ZNF619: variants seen among roughly 807,000 people sequenced by gnomAD.
ZNF619 encodes zinc finger protein 619.
ZNF619 carries 9 observed loss-of-function variants against 14.2 expected under a neutral mutation model. The ratio of observed to expected loss-of-function variants is 0.64; its 90% CI spans 0.38 to 1.11. The LOEUF is 1.11. ZNF619 is among the 50% of genes least tolerant of loss of function. The pLI is 0.01. For missense variants in ZNF619, 659 were observed against 680.1 expected (o/e 0.97, Z 0.34); for synonymous variants, 246 against 252.8 (o/e 0.97, Z 0.26).
rs964803541 is a variant in ZNF619 at position 40,490,657 on chromosome 3, T to C, written c.*2416T>C. 6.6e-6 allele frequency among the ~76,000 whole-genome samples: 1 copy of C among 151,868 alleles called. No individual in the cohort carries two copies. The highest frequency in any genetic ancestry group is 6.5e-5 in the Admixed American group (1 of 15,270). ...CAGACCTTTATGATGATCCATATAA[T>C]ATAGTGAATTATATTTACTAAATAT... On this transcript the variant is annotated 3_prime_UTR_variant, in exon 5 of 5. Transcript: ENST00000432264.
In ZNF619 at chr3:40,489,153, G is replaced by A. The variant is rs1435071367; in HGVS notation, c.*912G>A. 1 of 151,450 alleles carries A rather than the reference G, an allele frequency of 6.6e-6. No individual in the cohort carries two copies. The highest frequency in any genetic ancestry group is 2.4e-5 in the African/African-American group (1 of 41,268). 9.4% of individuals were successfully genotyped at this position (151,450 alleles called of 1,614,324 possible). On this transcript the variant is annotated 3_prime_UTR_variant, in exon 5 of 5. Transcript: ENST00000432264. ...TTATGTCTTTGAGCTTTATTGGAAG[G>A]GGATATGGTTTTTCAATTTGGGTTC...
chr3:40,481,824 T>C (rs1697403026), intron 2 of ZNF619, 39 bp from the exon 3 acceptor site: 2 of 1,569,538 alleles, frequency 1.3e-6, no homozygotes, highest in Non-Finnish European at 1.7e-6. Context: ...AATTTATCCC[T>C]TTCCTGGAAT....
Position 40,487,620 on chromosome 3 carries a change from AC to A in ZNF619, c.1112del (p.Pro371LeufsTer46), listed in dbSNP as rs750667548. 2 of 1,614,122 alleles carry A rather than the reference AC, an allele frequency of 1.2e-6. No homozygotes were observed. Among genetic ancestry groups the A allele is most frequent in the Admixed American group, 3.3e-5 (2 of 60,012 alleles). On this transcript the variant is annotated frameshift_variant, in exon 5 of 5. Transcript: ENST00000432264. LOFTEE classifies it low-confidence loss of function (END_TRUNC). ...ATCAGAGAATCCACACTGGGGAGAA[AC>A]CTTATGAATGTAAAGAGTGTGGCAA... ...QHQRIHTGEKPYECKECGKAF... is the reference protein window; with the variant it reads ...QHQRIHTGEKXYECKECGKAF...
At chr3:40,481,574 G>A (rs1050098402) in intron 2 of ZNF619, among the ~76,000 whole-genome samples, 4 of 152,184 alleles carry the variant, frequency 2.6e-5, no homozygotes, top group Non-Finnish European at 5.9e-5. Context: ...TGCTGTGGTC[G>A]ATTTAGAAAG....
At chr3:40,482,421 G>C in intron 3 of ZNF619, 167 bp from the exon 4 acceptor site, 1 of 1,600,308 alleles carries the variant, frequency 6.2e-7, no homozygotes, top group African/African-American at 1.3e-5. Flanking sequence ...TTAGAGGCCA[G>C]AGTAAGCTTC....
intron 2 of ZNF619, 63 bp downstream of exon 2, chr3:40,478,066 C>A: frequency 6.7e-7 from 1 of 1,487,056 alleles, no homozygotes; most frequent in Non-Finnish European, 9.2e-7. Context: ...AGTACAGCCC[C>A]AGTAGCCTGA....
intron 2 of ZNF619, among the ~76,000 whole-genome samples, chr3:40,480,391 A>G (rs773939723): frequency 3.3e-5 from 5 of 152,240 alleles, no homozygotes; most frequent in Admixed American, 6.5e-5. Context: ...ATGAGGAGAC[A>G]TTTAAGATCA....
Position 40,487,476 on chromosome 3 carries a change from G to A in ZNF619, c.966G>A (p.Gly322=), listed in dbSNP as rs148232227. 342 of 1,614,102 alleles carry A rather than the reference G, an allele frequency of 2.1e-4. 2 individuals carry two copies. In the African/African-American group the frequency reaches 4.2e-3, roughly 20 times the overall value. Residue 322 remains glycine (G), a synonymous_variant, in exon 5 of 5, where the codon GGG becomes GGA. Transcript: ENST00000432264. ...AGCCCTTTAAATGTAAGGAATGTGG[G>A]AAAGCCTTCAGTTGTAGCTATGACT... ...GEKPFKCKEC[G]KAFSCSYDCI...
Position 40,490,556 on chromosome 3 carries a change from T to C in ZNF619, c.*2315T>C, listed in dbSNP as rs555194488. On this transcript the variant is annotated 3_prime_UTR_variant, in exon 5 of 5. Coordinates refer to ENST00000432264, the MANE Select transcript of ZNF619 (RefSeq NM_001145093.4). ...GTCCACTTATGGACTTTCTTCTGCC[T>C]CTGTCACCCCTGAGATGGCAAGACC... 3.9e-5 allele frequency among the ~76,000 whole-genome samples: 6 copies of C among 152,314 alleles called. No individual in the cohort carries two copies. Among genetic ancestry groups the C allele is most frequent in the Admixed American group, 3.9e-4 (6 of 15,294 alleles).
intron 3 of ZNF619, chr3:40,482,294 T>G: frequency 4.5e-6 from 7 of 1,552,098 alleles, no homozygotes; most frequent in East Asian, 2.4e-5. Context: ...GTGCACTGTC[T>G]TCATTCCTTC....
In ZNF619 at chr3:40,488,692, A is replaced by C; in HGVS notation, c.*451A>C. On this transcript the variant is annotated 3_prime_UTR_variant, in exon 5 of 5. Transcript: ENST00000432264. Reference sequence around the variant, plus strand: ...GGGTGGGGGGTGGTGCCGGAGTTTCACTCTTGTCACCCAGGCTGTTTGCAG... The same window carrying C: ...GGGTGGGGGGTGGTGCCGGAGTTTCCCTCTTGTCACCCAGGCTGTTTGCAG... 1 of 155,302 alleles carries C rather than the reference A, an allele frequency of 6.4e-6. No individual in the cohort carries two copies. The highest frequency in any genetic ancestry group is 1.4e-5 in the Non-Finnish European group (1 of 70,936). The allele number at this position is 155,302 out of a possible 1,614,324, so 9.6% of individuals were successfully genotyped here.
Position 40,482,117 on chromosome 3 carries a change from G to T in ZNF619, c.178+101G>T, listed in dbSNP as rs1378636656. 3 of 1,543,340 alleles carry T rather than the reference G, an allele frequency of 1.9e-6. No homozygotes were observed. The African/African-American group carries it at 4.1e-5, about 21-fold the overall frequency. The stretch of plus-strand genomic sequence containing the variant: ...TCTCTTTAATACCATCAGAATTGAT[G>T]CCCTATGGGCTGAGCTCCCTAATCC... On this transcript the variant is annotated intron_variant, in intron 3 of 4. Coordinates refer to ENST00000432264, the MANE Select transcript of ZNF619 (RefSeq NM_001145093.4).
At position 40,488,445 on chromosome 3, in the gene ZNF619, T is replaced by C. The variant is rs1559542295; in HGVS notation, c.*204T>C. ...AGGAAATGGCAGTACTTATTCTTTA[T>C]CGTGTCCACATTTGGGCTGTATTAT... is the stretch of plus-strand genomic sequence containing the variant. On this transcript the variant is annotated 3_prime_UTR_variant, in exon 5 of 5. Transcript: ENST00000432264. 1 of 552,390 alleles carries C rather than the reference T, an allele frequency of 1.8e-6. No individual in the cohort carries two copies. The highest frequency in any genetic ancestry group is 2.6e-5 in the South Asian group (1 of 37,968). The allele number at this position is 552,390 out of a possible 1,614,324, so 34.2% of individuals were successfully genotyped here. A position where few individuals can be genotyped will look rare whatever the true frequency, so the allele number is the denominator to read the frequency against.
In ZNF619 at chr3:40,488,632, C is replaced by A; in HGVS notation, c.*391C>A. Reference sequence around the variant, plus strand: ...GGAGAACATAATCAGATAAAGTGTCCAATGATTGCTTTCAAGAGCTTTTTT... The same window carrying A: ...GGAGAACATAATCAGATAAAGTGTCAAATGATTGCTTTCAAGAGCTTTTTT... On this transcript the variant is annotated 3_prime_UTR_variant, in exon 5 of 5. Coordinates refer to ENST00000432264, the MANE Select transcript of ZNF619 (RefSeq NM_001145093.4). 1 of 165,292 alleles carries A rather than the reference C, an allele frequency of 6.0e-6. No homozygotes were observed. 10.2% of individuals were successfully genotyped at this position (165,292 alleles called of 1,614,324 possible). A position where few individuals can be genotyped will look rare whatever the true frequency, so the allele number is the denominator to read the frequency against.
chr3:40,484,218 G>A (rs1056806370), intron 4 of ZNF619, among the ~76,000 whole-genome samples: 7 of 152,182 alleles, frequency 4.6e-5, no homozygotes, highest in East Asian at 1.9e-4. Flanking sequence ...GAGCCACCGC[G>A]CCCAGCTAGA....
chr3:40,490,764 T>C lies in ZNF619; in HGVS notation c.*2523T>C, dbSNP rs978463893. 6.6e-6 allele frequency among the ~76,000 whole-genome samples: 1 copy of C among 152,216 alleles called. No individual in the cohort carries two copies. The highest frequency in any genetic ancestry group is 2.4e-5 in the African/African-American group (1 of 41,458). ...TCTAATATGTATAACATAAAAAATA[T>C]GTGTTAATCGACTGTTTCAGTAAGG... On this transcript the variant is annotated 3_prime_UTR_variant, in exon 5 of 5. Transcript: ENST00000432264.
chr3:40,481,927 C>A lies in ZNF619; in HGVS notation c.89C>A (p.Thr30Asn). The change falls in exon 3 of 5, where the codon ACC becomes AAC. Residue 30 changes from threonine (T) to asparagine (N), a missense_variant. Thr to Asn is a moderately conservative substitution (Grantham distance 65). Transcript: ENST00000432264. ...TTTGAGGATGTGGCTGTGTACTTCACCCAGAATGAATGGGCCAGCCTGCAC... is the reference window on the plus strand; with the variant it reads ...TTTGAGGATGTGGCTGTGTACTTCAACCAGAATGAATGGGCCAGCCTGCAC... The part of the protein sequence containing the change: ...VTFEDVAVYF[T>N]QNEWASLHPT... 1 of 1,613,860 alleles carries A rather than the reference C, an allele frequency of 6.2e-7. No individual in the cohort carries two copies. Among genetic ancestry groups the A allele is most frequent in the Non-Finnish European group, 8.5e-7 (1 of 1,179,882 alleles).
rs6762251 is a variant in ZNF619 at position 40,489,645 on chromosome 3, G to A, written c.*1404G>A. 51,755 of 151,712 alleles carry A rather than the reference G, an allele frequency of 0.34. 9,014 individuals carry two copies. The highest frequency in any genetic ancestry group is 0.5 in the East Asian group (2,526 of 5,054). The allele number at this position is 151,712 out of a possible 1,614,324, so 9.4% of individuals were successfully genotyped here. On this transcript the variant is annotated 3_prime_UTR_variant, in exon 5 of 5. Coordinates refer to ENST00000432264, the MANE Select transcript of ZNF619 (RefSeq NM_001145093.4). ...TGTACCCTTTAGGGTAGATGCCTGAGTATAGTAATCTCTAAAGCTGTACAT... is the reference window on the plus strand; with the variant it reads ...TGTACCCTTTAGGGTAGATGCCTGAATATAGTAATCTCTAAAGCTGTACAT...
rs147485761 is a variant in ZNF619 at position 40,479,806 on chromosome 3, C to G, written c.24+1803C>G. On this transcript the variant is annotated intron_variant, in intron 2 of 4. Transcript: ENST00000432264. ...ATCTACTAGATGCCAGTAGCACTAC[C>G]ATTACCACCACACTGCAGTTCTGAC... Among the ~76,000 whole-genome samples, 324 of 152,250 alleles carry G rather than the reference C, an allele frequency of 2.1e-3. 6 individuals carry two copies. The East Asian group carries it at 0.038, about 18-fold the overall frequency.
Sources: gnomAD v4.1 joint callset for allele counts (sites outside exome capture counted in the v4.1 genomes callset) on GRCh38, gnomAD v4.1.1 for gene constraint, MANE v1.5 for transcripts, NCBI Gene and HGNC (gene_info 2026-07-23, HGNC 2026-07-21) for gene names.